GALNT18: variants seen among roughly 807,000 people sequenced by gnomAD.
GALNT18 encodes GalNAc-transferase 18.
GALNT18 carries 44 observed loss-of-function variants against 69.5 expected under a neutral mutation model. The observed-to-expected ratio is 0.63, with a 90% CI of 0.50 to 0.81. The LOEUF (loss-of-function observed/expected upper bound fraction) is 0.81, where lower values mean the gene tolerates loss of function less well. Among genes scored for constraint, GALNT18 ranks in the 40% least tolerant of loss-of-function variants. The probability of loss-of-function intolerance (pLI) is 0.00; values close to 1 mark genes in which losing one functional copy is unlikely to be tolerated. For missense variants in GALNT18, 715 were observed against 810.0 expected (o/e 0.88, Z 1.42); for synonymous variants, 364 against 318.2 (o/e 1.14, Z -1.53).
At chr11:11,427,208 AGAACAGGGATTCAG>A (rs1370492657) in intron 3 of GALNT18, among the ~76,000 whole-genome samples, 1 of 152,254 alleles carries the variant, frequency 6.6e-6, no homozygotes, top group Non-Finnish European at 1.5e-5. Flanking sequence ...AAGGAGACAG[AGAACAGGGATTCAG>A]GCTCCTACAT....
At chr11:11,409,052 G>A (rs1854663955) in intron 3 of GALNT18, among the ~76,000 whole-genome samples, 1 of 152,132 alleles carries the variant, frequency 6.6e-6, no homozygotes, top group Non-Finnish European at 1.5e-5. Flanking sequence ...ATTTTTCAAG[G>A]GAATGTGTCT....
At chr11:11,313,981 G>GGCACAT (rs1849710877) in intron 9 of GALNT18, among the ~76,000 whole-genome samples, 1 of 152,196 alleles carries the variant, frequency 6.6e-6, no homozygotes, top group Non-Finnish European at 1.5e-5. Context: ...TTTGGTGCTA[G>GGCACAT]GCACATGCAG....
intron 1 of GALNT18, among the ~76,000 whole-genome samples, chr11:11,532,821 C>T (rs1857685791): frequency 1.3e-5 from 2 of 152,324 alleles, no homozygotes; most frequent in South Asian, 2.1e-4. Flanking sequence ...TGAGCTCATC[C>T]CTCAGCCTAC....
chr11:11,297,697 C>A (rs1403834457), intron 9 of GALNT18, among the ~76,000 whole-genome samples: 1 of 152,170 alleles, frequency 6.6e-6, no homozygotes, highest in African/African-American at 2.4e-5. Flanking sequence ...TAACTCTGGT[C>A]TGAGGCTGGG....
rs1324403878 is a variant in GALNT18, at chr11:11,423,442, C to T, written c.595+9179G>A. Reference sequence around the variant, plus strand: ...AGCTGCCTCCCTCTCACAAGGTGACCTAAAGCATGGCTGCCAACTGTTCAA... The same window carrying T: ...AGCTGCCTCCCTCTCACAAGGTGACTTAAAGCATGGCTGCCAACTGTTCAA... On this transcript the variant is annotated intron_variant, in intron 3 of 10. Coordinates refer to ENST00000227756, the MANE Select transcript of GALNT18 (RefSeq NM_198516.3). 3.9e-5 allele frequency among the ~76,000 whole-genome samples: 6 copies of T among 152,322 alleles called. No individual in the cohort carries two copies. The East Asian group carries it at 1.2e-3, about 29-fold the overall frequency.
At chr11:11,385,327 G>C (rs1223617953) in intron 3 of GALNT18, among the ~76,000 whole-genome samples, 1 of 147,838 alleles carries the variant, frequency 6.8e-6, no homozygotes, top group African/African-American at 2.5e-5. Flanking sequence ...ACAGAGTCTC[G>C]CTCTGTTGCC....
intron 1 of GALNT18, among the ~76,000 whole-genome samples, chr11:11,474,959 G>A (rs1856356812): frequency 1.3e-5 from 2 of 152,172 alleles, no homozygotes; most frequent in Non-Finnish European, 2.9e-5. Flanking sequence ...ATATAAAAAT[G>A]GGCACGTAGA....
chr11:11,416,761 G>A (rs1298056295), intron 3 of GALNT18, among the ~76,000 whole-genome samples: 1 of 152,148 alleles, frequency 6.6e-6, no homozygotes, highest in African/African-American at 2.4e-5. Flanking sequence ...CAGGTCACAG[G>A]CAGTGCAGGA....
chr11:11,274,536 A>G (rs1848896949), intron 10 of GALNT18, among the ~76,000 whole-genome samples: 1 of 152,150 alleles, frequency 6.6e-6, no homozygotes. Context: ...CTGTGGCCTG[A>G]GTAGGTGGGT....
At chr11:11,536,969 T>C (rs1857787378) in intron 1 of GALNT18, among the ~76,000 whole-genome samples, 1 of 152,268 alleles carries the variant, frequency 6.6e-6, no homozygotes, top group Non-Finnish European at 1.5e-5. Context: ...TGGTTCTTCC[T>C]GGATTTGTCC....
At chr11:11,508,640 T>C (rs72865493) in intron 1 of GALNT18, among the ~76,000 whole-genome samples, 32 of 152,344 alleles carry the variant, frequency 2.1e-4, no homozygotes, top group African/African-American at 4.6e-4. Flanking sequence ...CAAGCAGTAA[T>C]CAGAAGACAG....
chr11:11,412,871 A>G (rs1468971803), intron 3 of GALNT18, among the ~76,000 whole-genome samples: 1 of 152,178 alleles, frequency 6.6e-6, no homozygotes, highest in Non-Finnish European at 1.5e-5. Flanking sequence ...CTGCCCCAGC[A>G]TGTGGAAGGC....
chr11:11,595,498 C>T lies in GALNT18; in HGVS notation c.235+25861G>A, dbSNP rs1467899824. Among the ~76,000 whole-genome samples, 4 of 152,070 alleles carry T rather than the reference C, an allele frequency of 2.6e-5. No individual in the cohort carries two copies. The highest frequency in any genetic ancestry group is 6.5e-5 in the Admixed American group (1 of 15,272). ...GTTTTGTTTATTTTGTTATGGCAGC[C>T]GAGATGAACTAAGACACATTCTCTT... On this transcript the variant is annotated intron_variant, in intron 1 of 10. Transcript: ENST00000227756. The surrounding 1 kb of genome is among the most constrained non-coding windows in gnomAD (Gnocchi z 5.2).
intron 6 of GALNT18, among the ~76,000 whole-genome samples, chr11:11,363,064 A>G (rs1279353355): frequency 3.9e-5 from 6 of 152,162 alleles, no homozygotes; most frequent in African/African-American, 1.2e-4. Flanking sequence ...GTATACTACC[A>G]TTTATCTAAG....
rs1854130754 is a variant in GALNT18, at chr11:11,389,497, C to T, written c.596-10233G>A. ...AGTAAAGGTGGGGCAATGGACCAAACACTGTGAAATTACTTACAGAGCAAG... is the reference window on the plus strand; with the variant it reads ...AGTAAAGGTGGGGCAATGGACCAAATACTGTGAAATTACTTACAGAGCAAG... On this transcript the variant is annotated intron_variant, in intron 3 of 10. Coordinates refer to ENST00000227756, the MANE Select transcript of GALNT18 (RefSeq NM_198516.3). The surrounding 1 kb of genome is among the most constrained non-coding windows in gnomAD (Gnocchi z 4.3). Among the ~76,000 whole-genome samples, 1 of 152,206 alleles carries T rather than the reference C, an allele frequency of 6.6e-6. No homozygotes were observed. The highest frequency in any genetic ancestry group is 1.5e-5 in the Non-Finnish European group (1 of 68,038).
At chr11:11,384,875 T>C (rs1022347779) in intron 3 of GALNT18, among the ~76,000 whole-genome samples, 15 of 152,244 alleles carry the variant, frequency 9.9e-5, no homozygotes, top group African/African-American at 3.4e-4. Flanking sequence ...TGCTACTGGA[T>C]GTTTAAAAGG....
chr11:11,344,227 A>G (rs959676501), intron 6 of GALNT18, among the ~76,000 whole-genome samples: 1 of 145,918 alleles, frequency 6.9e-6, no homozygotes, highest in African/African-American at 2.6e-5. Context: ...TGCTGTAGCC[A>G]CGCTATTTTT....
At chr11:11,279,463 G>C in intron 10 of GALNT18, among the ~76,000 whole-genome samples, 1 of 152,102 alleles carries the variant, frequency 6.6e-6, no homozygotes. Flanking sequence ...ACATGCGCAT[G>C]AATGCTTTCT....
Position 11,372,431 on chromosome 11 carries a change from C to A in GALNT18, c.1092+84G>T. The A allele has an allele frequency of 1.9e-6, 2 of 1,045,992 alleles. No individual in the cohort carries two copies. The highest frequency in any genetic ancestry group is 3.0e-6 in the Non-Finnish European group (2 of 675,092). 64.8% of individuals were successfully genotyped at this position (1,045,992 alleles called of 1,614,324 possible). A position where few individuals can be genotyped will look rare whatever the true frequency, so the allele number is the denominator to read the frequency against. ...TTCAGAATCAGTCTGTGACCCTCAACCTTAAACCCCATTTCTCCACCCCCA... is the reference window on the plus strand; with the variant it reads ...TTCAGAATCAGTCTGTGACCCTCAAACTTAAACCCCATTTCTCCACCCCCA... On this transcript the variant is annotated intron_variant, in intron 6 of 10. Coordinates refer to ENST00000227756, the MANE Select transcript of GALNT18 (RefSeq NM_198516.3). The surrounding 1 kb of genome is among the most constrained non-coding windows in gnomAD (Gnocchi z 4.9).
Sources: gnomAD v4.1 joint callset for allele counts (sites outside exome capture counted in the v4.1 genomes callset) on GRCh38, gnomAD v4.1.1 for gene constraint, Gnocchi (gnomAD v3.1) non-coding constraint, MANE v1.5 for transcripts, NCBI Gene and HGNC (gene_info 2026-07-23, HGNC 2026-07-21) for gene names.